POF1B: variants seen among roughly 807,000 people sequenced by gnomAD.
POF1B encodes the protein protein POF1B.
In POF1B, 53 loss-of-function variants were observed where a neutral mutation model predicts 55.3. That is an observed-to-expected ratio of 0.96 (90% CI 0.77 to 1.20). POF1B has a LOEUF of 1.20. POF1B is among the 50% of genes most tolerant of loss of function. The probability of loss-of-function intolerance (pLI) is 0.00; values close to 1 mark genes in which losing one functional copy is unlikely to be tolerated. For missense variants in POF1B, 478 were observed against 420.5 expected (o/e 1.14, Z -1.20); for synonymous variants, 188 against 148.3 (o/e 1.27, Z -1.95).
At chrX:85,313,518 G>A (rs753821377) in intron 9 of POF1B, among the ~76,000 whole-genome samples, 4 of 112,028 alleles carry the variant, frequency 3.6e-5, no homozygotes, top group East Asian at 2.8e-4. Flanking sequence ...GCATTCCAGC[G>A]ATGAAGCTGA....
intron 15 of POF1B, among the ~76,000 whole-genome samples, chrX:85,284,302 T>G (rs925004417): frequency 9.0e-6 from 1 of 110,912 alleles, no homozygotes; most frequent in East Asian, 2.8e-4. Flanking sequence ...TTGGAAAAAA[T>G]TACTTTAAAG....
intron 4 of POF1B, among the ~76,000 whole-genome samples, 162 bp downstream of exon 4, chrX:85,359,388 G>T (rs1933563208): frequency 9.0e-6 from 1 of 111,303 alleles, no homozygotes; most frequent in Admixed American, 9.6e-5. Flanking sequence ...TGGTTGTTTG[G>T]CATTAAAGAT....
At position 85,307,571 on chromosome X, in the gene POF1B, G is replaced by A. The variant is rs1001883147; in HGVS notation, c.1051-295C>T. On this transcript the variant is annotated intron_variant, in intron 10 of 16. Coordinates refer to ENST00000262753, the MANE Select transcript of POF1B (RefSeq NM_024921.4). The stretch of plus-strand genomic sequence containing the variant: ...ACAAAGAGTCCTCGTTAATCCCAGC[G>A]AGTGGTAAATTTTTAAATTAGAGTC... Among the ~76,000 whole-genome samples the A allele has an allele frequency of 5.4e-5, 6 of 110,981 alleles. No homozygotes were observed. The South Asian group carries it at 1.9e-3, about 35-fold the overall frequency.
chrX:85,354,508 G>T (rs1933449166), intron 4 of POF1B, among the ~76,000 whole-genome samples: 1 of 110,600 alleles, frequency 9.0e-6, no homozygotes, highest in African/African-American at 3.3e-5. Flanking sequence ...TATAAATGAT[G>T]AACGGTCATT....
At position 85,357,818 on chromosome X, in the gene POF1B, C is replaced by T. The variant is rs138559724; in HGVS notation, c.438+1732G>A. Among the ~76,000 whole-genome samples the T allele has an allele frequency of 3.3e-4, 37 of 111,285 alleles. No homozygotes were observed. In the East Asian group the frequency reaches 8.3e-3, roughly 25 times the overall value. ...ATGATACCTTTAAGAGGAATGATTC[C>T]CACATCTCTGTTAAATGTGACCTTT... On this transcript the variant is annotated intron_variant, in intron 4 of 16. Coordinates refer to ENST00000262753, the MANE Select transcript of POF1B (RefSeq NM_024921.4).
intron 3 of POF1B, among the ~76,000 whole-genome samples, chrX:85,362,794 T>A (rs1186077215): frequency 9.0e-6 from 1 of 111,529 alleles, no homozygotes; most frequent in Non-Finnish European, 1.9e-5. Flanking sequence ...CCTCTTCAAT[T>A]TTTTGTAGTA....
Position 85,315,724 on chromosome X carries a change from A to T in POF1B, c.865T>A (p.Phe289Ile), listed in dbSNP as rs1250282524. The T allele has an allele frequency of 3.4e-6, 4 of 1,178,183 alleles. No individual in the cohort carries two copies. The highest frequency in any genetic ancestry group is 3.4e-6 in the Non-Finnish European group (3 of 881,247). ...GCACTTACCTCATCTGTAGACTCAA[A>T]GTCCTGTTTGCTGCAAGAACAAAAA... is the stretch of plus-strand genomic sequence containing the variant. The part of the protein sequence containing the change: ...LQRIGGSKQD[F>I]ESTDESEDIE... Residue 289 changes from phenylalanine (F) to isoleucine (I), a missense_variant, in exon 8 of 17, where the codon TTT (phenylalanine) becomes ATT (isoleucine). Coordinates refer to ENST00000262753, the MANE Select transcript of POF1B (RefSeq NM_024921.4).
At chrX:85,292,391 GT>G (rs1392863430) in intron 15 of POF1B, among the ~76,000 whole-genome samples, 1 of 111,433 alleles carries the variant, frequency 9.0e-6, no homozygotes, top group African/African-American at 3.3e-5. Flanking sequence ...TTGACCTGAA[GT>G]TTTCATTTTT....
intron 15 of POF1B, among the ~76,000 whole-genome samples, chrX:85,301,248 G>A (rs1170377774): frequency 9.0e-6 from 1 of 111,536 alleles, no homozygotes; most frequent in African/African-American, 3.3e-5. Flanking sequence ...AATCTTGAAA[G>A]CAGTAAAAAA....
chrX:85,359,053 A>G (rs988182576), intron 4 of POF1B, among the ~76,000 whole-genome samples: 5 of 111,170 alleles, frequency 4.5e-5, no homozygotes, highest in Non-Finnish European at 7.6e-5. Context: ...TAAAAAACTC[A>G]TTGCTGGGTA....
chrX:85,309,202 C>T (rs917733319), intron 9 of POF1B, among the ~76,000 whole-genome samples: 1 of 110,047 alleles, frequency 9.1e-6, no homozygotes. Context: ...ACTTCATTTA[C>T]ATAGAGTGTA....
intron 3 of POF1B, among the ~76,000 whole-genome samples, chrX:85,360,527 GTATA>G (rs142665633): frequency 0.012 from 699 of 58,360 alleles, 34 homozygotes; most frequent in African/African-American, 0.055. Context: ...TCCATGGTAT[GTATA>G]TATATATATA....
chrX:85,280,671 G>C (rs1322399187), intron 16 of POF1B, among the ~76,000 whole-genome samples: 1 of 111,151 alleles, frequency 9.0e-6, no homozygotes, highest in Admixed American at 9.6e-5. Flanking sequence ...GTCAAAGGCT[G>C]TCATTTTCAC....
At chrX:85,343,010 A>G (rs1050027287) in intron 6 of POF1B, among the ~76,000 whole-genome samples, 6 of 91,720 alleles carry the variant, frequency 6.5e-5, no homozygotes, top group Admixed American at 1.4e-4. Context: ...CAGCACTTCA[A>G]CTTTATCCTT....
intron 6 of POF1B, among the ~76,000 whole-genome samples, chrX:85,342,206 G>A (rs1312342591): frequency 1.8e-5 from 2 of 111,592 alleles, no homozygotes; most frequent in Non-Finnish European, 3.8e-5. Flanking sequence ...GGTGATATTA[G>A]TAGGGAGGAC....
chrX:85,343,998 G>A (rs5968477), intron 6 of POF1B, among the ~76,000 whole-genome samples: 5,678 of 110,902 alleles, frequency 0.051, 153 homozygotes, highest in Middle Eastern at 0.14. Context: ...GACAACAATA[G>A]CACCTTCCTA....
chrX:85,346,549 T>TA (rs1280366470), intron 5 of POF1B, among the ~76,000 whole-genome samples: 1 of 110,069 alleles, frequency 9.1e-6, no homozygotes, highest in Non-Finnish European at 1.9e-5. Flanking sequence ...TTAAAAAGAT[T>TA]AAAAAAACCA....
At chrX:85,306,387 A>T in intron 11 of POF1B, 54 bp from the exon 12 acceptor site, 2 of 1,102,322 alleles carry the variant, frequency 1.8e-6, no homozygotes, top group East Asian at 3.0e-5. Context: ...TTGGTGAGGG[A>T]GTGTTCTTTT....
intron 7 of POF1B, among the ~76,000 whole-genome samples, chrX:85,329,922 T>G (rs1932948661): frequency 9.1e-6 from 1 of 109,541 alleles, no homozygotes; most frequent in Non-Finnish European, 1.9e-5. Flanking sequence ...ACGTACAAAA[T>G]AGTATATATG....
Sources: allele counts gnomAD v4.1 joint callset (sites outside exome capture counted in the v4.1 genomes callset), GRCh38; gene constraint gnomAD v4.1.1; transcripts MANE v1.5; gene names NCBI Gene and HGNC (gene_info 2026-07-23, HGNC 2026-07-21).